Variants in DEF8 observed in about 807,000 individuals in gnomAD.
DEF8 encodes the protein differentially expressed in FDCP 8 homolog.
Under a neutral mutation model 59.1 loss-of-function variants are expected in DEF8, and 38 were observed. The observed-to-expected ratio is 0.64, with a 90% CI of 0.50 to 0.84. The LOEUF (loss-of-function observed/expected upper bound fraction) is 0.84, where lower values mean the gene tolerates loss of function less well. DEF8 is among the 40% of genes least tolerant of loss of function. The pLI, the probability that DEF8 is intolerant of heterozygous loss-of-function variation, is 0.00. For missense variants in DEF8, 557 were observed against 615.2 expected, an observed-to-expected ratio of 0.91 and a Z score of 1.00; for synonymous variants, 265 against 250.1, an observed-to-expected ratio of 1.06 and a Z score of -0.56.
chr16:89,966,270 A>G lies in DEF8; in HGVS notation c.*307A>G. The G allele has an allele frequency of 3.4e-6, 1 of 294,150 alleles. No individual in the cohort carries two copies. Among genetic ancestry groups the G allele is most frequent in the Non-Finnish European group, 6.7e-6 (1 of 149,304 alleles). 18.2% of individuals were successfully genotyped at this position (294,150 alleles called of 1,614,324 possible). Reference sequence around the variant, plus strand: ...GGGGACATCTCACCTCCCCCATGGCACAGAGCCCTCCACACCCCTGGACCA... The same window carrying G: ...GGGGACATCTCACCTCCCCCATGGCGCAGAGCCCTCCACACCCCTGGACCA... On this transcript the variant is annotated 3_prime_UTR_variant, in exon 13 of 13. Coordinates refer to ENST00000563594, the MANE Select transcript of DEF8 (RefSeq NM_001242818.2).
rs866282758 is a variant in DEF8 at position 89,954,855 on chromosome 16, C to T, written c.125-314C>T. Among the ~76,000 whole-genome samples, 6 of 152,246 alleles carry T rather than the reference C, an allele frequency of 3.9e-5. No homozygotes were observed. In the Middle Eastern group the frequency reaches 0.01, roughly 259 times the overall value. ...CATGCAGTGGTTTTTCTCTCGCCCCCGTGGTCACGCATGAGGTGTCCACCT... is the reference window on the plus strand; with the variant it reads ...CATGCAGTGGTTTTTCTCTCGCCCCTGTGGTCACGCATGAGGTGTCCACCT... On this transcript the variant is annotated intron_variant, in intron 3 of 12. Transcript: ENST00000563594. This position sits in a 1 kb window ranked among gnomAD's most constrained non-coding sequence, Gnocchi z 4.3.
chr16:89,951,166 G>A (rs536977054), intron 2 of DEF8, among the ~76,000 whole-genome samples: 1 of 152,146 alleles, frequency 6.6e-6, no homozygotes, highest in Non-Finnish European at 1.5e-5. Context: ...CTTACCCAAG[G>A]TCACACAGCT....
intron 2 of DEF8, among the ~76,000 whole-genome samples, chr16:89,951,940 C>G (rs895787139): frequency 2.0e-5 from 3 of 150,682 alleles, no homozygotes; most frequent in South Asian, 2.1e-4. Flanking sequence ...TGCAGTGGTG[C>G]GTTCTCGGCT....
At position 89,960,349 on chromosome 16, in the gene DEF8, T is replaced by G. The variant is rs114272567; in HGVS notation, c.515-582T>G. 1.7e-3 allele frequency among the ~76,000 whole-genome samples: 259 copies of G among 152,008 alleles called. 1 individual carries two copies. The highest frequency in any genetic ancestry group is 5.4e-3 in the African/African-American group (225 of 41,430). On this transcript the variant is annotated intron_variant, in intron 6 of 12. Coordinates refer to ENST00000563594, the MANE Select transcript of DEF8 (RefSeq NM_001242818.2). Reference sequence around the variant, plus strand: ...GGTTTGGAAACGGAATGTAACAGATTAGAAAATAGTCTGACTGAGTGCGGT... The same window carrying G: ...GGTTTGGAAACGGAATGTAACAGATGAGAAAATAGTCTGACTGAGTGCGGT...
At chr16:89,964,619 G>A (rs778742043) in intron 12 of DEF8, 44 bp downstream of exon 12, 4 of 1,468,728 alleles carry the variant, frequency 2.7e-6, no homozygotes, top group Admixed American at 2.0e-5. Context: ...GGGGCTCTGC[G>A]CTGTCCTCTG....
Position 89,965,943 on chromosome 16 carries a change from G to A in DEF8, c.1336G>A (p.Gly446Ser). ...GAAGCAGTCGCTCTTCCAGGAGCCA[G>A]GTCCCGATGTGGAGGCCTAGCGCCG... ...LRKQSLFQEP[G>S]PDVEA Residue 446 changes from glycine to serine, a missense_variant, in exon 13 of 13, where the codon GGT (glycine) becomes AGT (serine). Physicochemically the swap from Gly to Ser is moderately conservative, Grantham distance 56. Coordinates refer to ENST00000563594, the MANE Select transcript of DEF8 (RefSeq NM_001242818.2). 3.7e-6 allele frequency: 6 copies of A among 1,613,386 alleles called. No homozygotes were observed. The highest frequency in any genetic ancestry group is 3.4e-6 in the Non-Finnish European group (4 of 1,179,630).
intron 12 of DEF8, among the ~76,000 whole-genome samples, chr16:89,965,640 T>C (rs7192165): frequency 0.2 from 29,916 of 151,948 alleles, 4,294 homozygotes; most frequent in African/African-American, 0.41. Flanking sequence ...CCTGTGTGGT[T>C]GGGGGATAGC....
chr16:89,966,019 C>A lies in DEF8; in HGVS notation c.*56C>A. On this transcript the variant is annotated 3_prime_UTR_variant, in exon 13 of 13. Transcript: ENST00000563594. Reference sequence around the variant, plus strand: ...GGCCCGCCAGGACCCACCCTGCCAACATCAAGTTGTTCCTTCTGCTCCGGA... The same window carrying A: ...GGCCCGCCAGGACCCACCCTGCCAAAATCAAGTTGTTCCTTCTGCTCCGGA... The A allele has an allele frequency of 7.2e-7, 1 of 1,388,492 alleles. No homozygotes were observed. The highest frequency in any genetic ancestry group is 1.0e-6 in the Non-Finnish European group (1 of 989,108). The allele number at this position is 1,388,492 out of a possible 1,614,324, so 86.0% of individuals were successfully genotyped here. A position where few individuals can be genotyped will look rare whatever the true frequency, so the allele number is the denominator to read the frequency against.
chr16:89,961,117 A>G, intron 7 of DEF8, 22 bp downstream of exon 7: 1 of 1,603,856 alleles, frequency 6.2e-7, no homozygotes, highest in Non-Finnish European at 8.5e-7. Flanking sequence ...CAGGGAGAGA[A>G]GAGGGTGAGG....
At chr16:89,965,249 C>A (rs2034504217) in intron 12 of DEF8, among the ~76,000 whole-genome samples, 1 of 152,136 alleles carries the variant, frequency 6.6e-6, no homozygotes, top group Non-Finnish European at 1.5e-5. Flanking sequence ...TTGGGCCTCA[C>A]ACATCTTCCA....
At chr16:89,955,138 ACG>A (rs2032932255) in intron 3 of DEF8, 29 bp from the exon 4 acceptor site, 1 of 1,563,396 alleles carries the variant, frequency 6.4e-7, no homozygotes, top group Non-Finnish European at 8.8e-7. Flanking sequence ...GTAGCAGCTG[ACG>A]CTCCACACCT....
At chr16:89,965,772 G>A (rs538280557) in intron 12 of DEF8, 89 bp from the exon 13 acceptor site, 7 of 790,886 alleles carry the variant, frequency 8.9e-6, no homozygotes, top group Non-Finnish European at 1.4e-5. Context: ...CGGCTGTAGA[G>A]GGGATGATAG....
chr16:89,960,155 T>C (rs2033833167), intron 6 of DEF8, among the ~76,000 whole-genome samples: 1 of 152,062 alleles, frequency 6.6e-6, no homozygotes, highest in Non-Finnish European at 1.5e-5. Context: ...TTTCTTTAAG[T>C]GCAGTGGGGG....
rs966678161 is a variant in DEF8 at position 89,966,518 on chromosome 16, C to T, written c.*555C>T. 2 of 154,414 alleles carry T rather than the reference C, an allele frequency of 1.3e-5. No individual in the cohort carries two copies. The highest frequency in any genetic ancestry group is 4.8e-5 in the African/African-American group (2 of 41,468). 9.6% of individuals were successfully genotyped at this position (154,414 alleles called of 1,614,324 possible). ...GTGGCCTTGGGGATTTCTGGTTGTC[C>T]CCAGCTGGGACTGTTCACAGTTGTC... On this transcript the variant is annotated 3_prime_UTR_variant, in exon 13 of 13. Transcript: ENST00000563594.
rs1015521028 is a variant in DEF8 at position 89,954,530 on chromosome 16, C to T, written c.124+154C>T. ...TTCTTTTTCCCATCTCTTCTGTGGTCGTGTGGTTTGTTTCTGTGTCCCCAC... is the reference window on the plus strand; with the variant it reads ...TTCTTTTTCCCATCTCTTCTGTGGTTGTGTGGTTTGTTTCTGTGTCCCCAC... On this transcript the variant is annotated intron_variant, in intron 3 of 12. Coordinates refer to ENST00000563594, the MANE Select transcript of DEF8 (RefSeq NM_001242818.2). This position sits in a 1 kb window ranked among gnomAD's most constrained non-coding sequence, Gnocchi z 4.3. Among the ~76,000 whole-genome samples the T allele has an allele frequency of 5.3e-5, 8 of 152,290 alleles. No homozygotes were observed. Among genetic ancestry groups the T allele is most frequent in the Non-Finnish European group, 7.4e-5 (5 of 68,026 alleles).
Position 89,965,976 on chromosome 16 carries a change from G to A in DEF8, c.*13G>A, listed in dbSNP as rs2151228064. On this transcript the variant is annotated 3_prime_UTR_variant, in exon 13 of 13. Coordinates refer to ENST00000563594, the MANE Select transcript of DEF8 (RefSeq NM_001242818.2). ...TGTGGAGGCCTAGCGCCGAGGAACA[G>A]TGCTGGGCACCCCGCCTGGCCCGCC... is the stretch of plus-strand genomic sequence containing the variant. The A allele has an allele frequency of 6.2e-7, 1 of 1,602,050 alleles. No homozygotes were observed. Among genetic ancestry groups the A allele is most frequent in the East Asian group, 2.2e-5 (1 of 44,690 alleles).
chr16:89,961,643 G>C (rs959192960), intron 7 of DEF8, 94 bp from the exon 8 acceptor site: 2 of 1,503,880 alleles, frequency 1.3e-6, no homozygotes, highest in African/African-American at 2.8e-5. Flanking sequence ...GTCTCCCCGA[G>C]GGCTGTGGTC....
chr16:89,952,187 TA>T (rs1204416085), intron 2 of DEF8, among the ~76,000 whole-genome samples: 1 of 152,226 alleles, frequency 6.6e-6, no homozygotes, highest in Non-Finnish European at 1.5e-5. Flanking sequence ...CATATTTGTA[TA>T]AAATTTAATA....
At chr16:89,964,599 C>T (rs1444250377) in intron 12 of DEF8, 24 bp downstream of exon 12, 2 of 1,528,004 alleles carry the variant, frequency 1.3e-6, no homozygotes, top group Non-Finnish European at 1.8e-6. Context: ...GGGCCCCGCA[C>T]TCGGGGGCTG....
Sources: gnomAD v4.1 joint callset for allele counts (sites outside exome capture counted in the v4.1 genomes callset) on GRCh38, gnomAD v4.1.1 for gene constraint, Gnocchi (gnomAD v3.1) non-coding constraint, MANE v1.5 for transcripts, NCBI Gene and HGNC (gene_info 2026-07-23, HGNC 2026-07-21) for gene names.